SEC61A1: variants seen among roughly 807,000 people sequenced by gnomAD.
The protein encoded by SEC61A1 is SEC61 translocon subunit alpha 1.
SEC61A1 carries 15 observed loss-of-function variants against 55.2 expected under a neutral mutation model. That is an observed-to-expected ratio of 0.27 (90% CI 0.18 to 0.42). The LOEUF (loss-of-function observed/expected upper bound fraction) is 0.42, where lower values mean the gene tolerates loss of function less well. Ranked by LOEUF, SEC61A1 falls within the 10% of genes least tolerant of loss-of-function variation. SEC61A1 has a pLI of 1.00. For synonymous variants in SEC61A1, 247 were observed against 234.0 expected (o/e 1.06, Z -0.51); for missense variants, 284 against 602.6 (o/e 0.47, Z 5.53).
upstream of SEC61A1, chr3:128,051,838 T>A: frequency 6.5e-7 from 1 of 1,535,732 alleles, no homozygotes; most frequent in Non-Finnish European, 8.7e-7. Flanking sequence ...CCATTCGTTC[T>A]CAGATGGAAG....
Position 128,067,653 on chromosome 3 carries a change from T to G in SEC61A1, c.1167+41T>G, listed in dbSNP as rs1361527950. ...ACTTTCTGGAAGGGTGATGAAAGTGTGACTGGTATAAGGGGTGTGGACTTG... is the reference window on the plus strand; with the variant it reads ...ACTTTCTGGAAGGGTGATGAAAGTGGGACTGGTATAAGGGGTGTGGACTTG... On this transcript the variant is annotated intron_variant, in intron 10 of 11. Coordinates refer to ENST00000243253, the MANE Select transcript of SEC61A1 (RefSeq NM_013336.4). The surrounding 1 kb of genome is among the most constrained non-coding windows in gnomAD (Gnocchi z 4.1). The G allele has an allele frequency of 6.7e-7, 1 of 1,497,224 alleles. No homozygotes were observed. The highest frequency in any genetic ancestry group is 1.2e-5 in the South Asian group (1 of 83,970). The allele number at this position is 1,497,224 out of a possible 1,614,324, so 92.7% of individuals were successfully genotyped here.
chr3:128,051,771 GACT>G, upstream of SEC61A1: 2 of 1,518,448 alleles, frequency 1.3e-6, no homozygotes, highest in South Asian at 2.5e-5. Flanking sequence ...CTGTGAGGCA[GACT>G]ACTTCCCGAG....
chr3:128,060,490 ATT>A lies in SEC61A1; in HGVS notation c.463-14_463-13del. On this transcript the variant is annotated splice_polypyrimidine_tract_variant and intron_variant, in intron 6 of 11. Coordinates refer to ENST00000243253, the MANE Select transcript of SEC61A1 (RefSeq NM_013336.4). ...GGGGAGCAGTAACACATAGTCTTGT[ATT>A]TTTGAATTTTTACAGCTCTTTGTTG... The A allele has an allele frequency of 6.2e-7, 1 of 1,613,676 alleles. No individual in the cohort carries two copies.
At chr3:128,055,442 C>A (rs866035952) in intron 2 of SEC61A1, 74 bp from the exon 3 acceptor site, 1 of 1,168,956 alleles carries the variant, frequency 8.6e-7, no homozygotes, top group South Asian at 1.2e-5. Context: ...AGAAAGGGGT[C>A]TGATTGGAGT....
Position 128,056,823 on chromosome 3 carries a change from T to G in SEC61A1, c.335T>G (p.Phe112Cys). ...GACACCCCAAAAGACCGAGCTCTCTTCAACGGAGCCCAAAAGTGTAAGAAA... is the reference window on the plus strand; with the variant it reads ...GACACCCCAAAAGACCGAGCTCTCTGCAACGGAGCCCAAAAGTGTAAGAAA... ...VGDTPKDRAL[F>C]NGAQKLFGMI... Residue 112 changes from phenylalanine (F) to cysteine (C), a missense_variant, in exon 5 of 12, where the codon TTC becomes TGC. Physicochemically the swap from Phe to Cys is radical, Grantham distance 205 (BLOSUM62 -2). Transcript: ENST00000243253. 6.3e-7 allele frequency: 1 copy of G among 1,598,918 alleles called. No homozygotes were observed. The highest frequency in any genetic ancestry group is 1.1e-5 in the South Asian group (1 of 88,276).
chr3:128,068,412 C>A (rs1942049433), intron 11 of SEC61A1, among the ~76,000 whole-genome samples: 1 of 152,172 alleles, frequency 6.6e-6, no homozygotes, highest in South Asian at 2.1e-4. Context: ...AGAGAGCGCC[C>A]TGGAGGAGGG....
intron 7 of SEC61A1, among the ~76,000 whole-genome samples, chr3:128,061,210 C>T (rs1035056909): frequency 5.3e-5 from 8 of 152,208 alleles, no homozygotes; most frequent in African/African-American, 1.9e-4. Flanking sequence ...CAGATTCCTG[C>T]ACCACTGAAT....
intron 2 of SEC61A1, among the ~76,000 whole-genome samples, chr3:128,053,131 T>A (rs547746261): frequency 6.6e-6 from 1 of 152,322 alleles, no homozygotes; most frequent in South Asian, 2.1e-4. Context: ...TTGGTGGATG[T>A]TGCTCCGAGA....
rs1028375930 is a variant in SEC61A1, at chr3:128,067,305, T to C, written c.976-116T>C. 1.8e-5 allele frequency: 24 copies of C among 1,315,580 alleles called. No individual in the cohort carries two copies. Among genetic ancestry groups the C allele is most frequent in the East Asian group, 4.6e-5 (2 of 43,306 alleles). The allele number at this position is 1,315,580 out of a possible 1,614,324, so 81.5% of individuals were successfully genotyped here. ...TTAAATTATCTTTTCAGTAAAAAAA[T>C]TGTACTGTGGGCACCGAGTAAAATT... is the stretch of plus-strand genomic sequence containing the variant. On this transcript the variant is annotated intron_variant, in intron 9 of 11. Transcript: ENST00000243253. This position sits in a 1 kb window ranked among gnomAD's most constrained non-coding sequence, Gnocchi z 4.1.
intron 7 of SEC61A1, among the ~76,000 whole-genome samples, chr3:128,063,551 G>T (rs1941883699): frequency 6.6e-6 from 1 of 152,208 alleles, no homozygotes; most frequent in Non-Finnish European, 1.5e-5. Flanking sequence ...TGGCCAGGCT[G>T]GTCTTGAACT....
chr3:128,051,940 G>T, upstream of SEC61A1: 1 of 1,504,366 alleles, frequency 6.6e-7, no homozygotes, highest in Non-Finnish European at 8.9e-7. Context: ...GCCCTACTCA[G>T]CAGGTAATGA....
Position 128,070,287 on chromosome 3 carries a change from G to T in SEC61A1, c.*625G>T, listed in dbSNP as rs192729981. On this transcript the variant is annotated 3_prime_UTR_variant, in exon 12 of 12. Coordinates refer to ENST00000243253, the MANE Select transcript of SEC61A1 (RefSeq NM_013336.4). ...CAGAAGACACTCCTGGCCATCTGTG[G>T]ATTTGTCTGTGCACCTATTGGCTCT... is the stretch of plus-strand genomic sequence containing the variant. The T allele has an allele frequency of 6.6e-6, 1 of 152,396 alleles. No homozygotes were observed. The highest frequency in any genetic ancestry group is 1.9e-4 in the East Asian group (1 of 5,194). The allele number at this position is 152,396 out of a possible 1,614,324, so 9.4% of individuals were successfully genotyped here. A position where few individuals can be genotyped will look rare whatever the true frequency, so the allele number is the denominator to read the frequency against.
At chr3:128,068,739 C>T (rs1942061561) in intron 11 of SEC61A1, 1 of 152,870 alleles carries the variant, frequency 6.5e-6, no homozygotes, top group Admixed American at 6.5e-5. Flanking sequence ...GTCCAGGTGA[C>T]CTTAGATGCT....
intron 8 of SEC61A1, chr3:128,065,288 C>G (rs2107648088): frequency 1.7e-6 from 1 of 604,390 alleles, no homozygotes; most frequent in East Asian, 2.8e-5. Flanking sequence ...TGGGTTGGGC[C>G]TATCGACAGG....
intron 7 of SEC61A1, among the ~76,000 whole-genome samples, chr3:128,061,104 C>G (rs1941844464): frequency 6.6e-6 from 1 of 152,170 alleles, no homozygotes; most frequent in Non-Finnish European, 1.5e-5. Flanking sequence ...CTTGGTCATG[C>G]AAGGGGCAGC....
chr3:128,065,119 T>G (rs777394539), intron 8 of SEC61A1, 82 bp downstream of exon 8: 2 of 1,362,886 alleles, frequency 1.5e-6, no homozygotes, highest in African/African-American at 1.4e-5. Context: ...CCCCACTCTG[T>G]GGGGTGCACT....
chr3:128,059,634 T>C (rs1941825696), intron 5 of SEC61A1, among the ~76,000 whole-genome samples: 1 of 152,176 alleles, frequency 6.6e-6, no homozygotes, highest in Admixed American at 6.5e-5. Context: ...TTCTGTCCTC[T>C]GGACCCAGAC....
At position 128,060,204 on chromosome 3, in the gene SEC61A1, C is replaced by A; in HGVS notation, c.455C>A (p.Thr152Asn). 6.2e-7 allele frequency: 1 copy of A among 1,605,730 alleles called. No homozygotes were observed. The highest frequency in any genetic ancestry group is 1.1e-5 in the South Asian group (1 of 90,902). ...GGTGCTGGAATTTGCCTGCTAATCA[C>A]CATTCAGGTAATTATTATGCTAACA... is the stretch of plus-strand genomic sequence containing the variant. ...EMGAGICLLI[T>N]IQLFVAGLIV... The change falls in exon 6 of 12, where the codon ACC (threonine) becomes AAC (asparagine). Residue 152 changes from threonine to asparagine, a missense_variant. Transcript: ENST00000243253.
chr3:128,057,858 C>CAA (rs571637541), intron 5 of SEC61A1, among the ~76,000 whole-genome samples: 1 of 140,754 alleles, frequency 7.1e-6, no homozygotes, highest in Admixed American at 7.1e-5. Flanking sequence ...AGACTTCTCT[C>CAA]AAAAAAAAAA....
Sources: gnomAD v4.1 joint callset for allele counts (sites outside exome capture counted in the v4.1 genomes callset) on GRCh38, gnomAD v4.1.1 for gene constraint, Gnocchi (gnomAD v3.1) non-coding constraint, MANE v1.5 for transcripts, NCBI Gene and HGNC (gene_info 2026-07-23, HGNC 2026-07-21) for gene names.